Variants in TUBGCP5 observed in about 807,000 individuals in gnomAD.
The protein encoded by TUBGCP5 is tubulin gamma complex component 5, also known as gamma-tubulin complex component 5.
In TUBGCP5, 98 loss-of-function variants were observed where a neutral mutation model predicts 134.7. The ratio of observed to expected loss-of-function variants is 0.73; its 90% CI spans 0.62 to 0.86. The LOEUF is 0.86. TUBGCP5 is among the 40% of genes least tolerant of loss of function. The pLI is 0.00. For missense variants in TUBGCP5, 1,150 were observed against 1,244.8 expected, an observed-to-expected ratio of 0.92 and a Z score of 1.15; for synonymous variants, 456 against 431.4, an observed-to-expected ratio of 1.06 and a Z score of -0.71.
chr15:23,023,238 G>A (rs535984018), intron 10 of TUBGCP5: 1 of 152,190 alleles, frequency 6.6e-6, no homozygotes, highest in South Asian at 2.1e-4. Context: ...GCTGAGGCAG[G>A]AGGATGGCGT....
chr15:22,989,079 C>T (rs1330661284), intron 23 of TUBGCP5, among the ~76,000 whole-genome samples: 1 of 152,132 alleles, frequency 6.6e-6, no homozygotes, highest in South Asian at 2.1e-4. Context: ...CCTCTTCCAC[C>T]TTTAGGAGCC....
Position 23,032,270 on chromosome 15 carries a change from C to T in TUBGCP5, c.407-241G>A, listed in dbSNP as rs914204650. Among the ~76,000 whole-genome samples the T allele has an allele frequency of 2.0e-5, 3 of 152,188 alleles. No homozygotes were observed. In the East Asian group the frequency reaches 5.8e-4, roughly 29 times the overall value. ...TTTGTAAAGTTAGAACGAATACAGTCATCCCTCAATATCTGAGGGGAATTG... is the reference window on the plus strand; with the variant it reads ...TTTGTAAAGTTAGAACGAATACAGTTATCCCTCAATATCTGAGGGGAATTG... On this transcript the variant is annotated intron_variant, in intron 4 of 22. Coordinates refer to ENST00000615383, the MANE Select transcript of TUBGCP5 (RefSeq NM_052903.6).
rs1460322999 is a variant in TUBGCP5 at position 23,015,707 on chromosome 15, A to T, written c.1756+2066T>A. Among the ~76,000 whole-genome samples, 3 of 152,268 alleles carry T rather than the reference A, an allele frequency of 2.0e-5. No homozygotes were observed. The East Asian group carries it at 5.8e-4, about 30-fold the overall frequency. On this transcript the variant is annotated intron_variant, in intron 13 of 22. Transcript: ENST00000615383. Reference sequence around the variant, plus strand: ...CAGCCAACTGTGCCACTGTTGCCACAAACCCCCTCACTGTAGGCCACTGAG... The same window carrying T: ...CAGCCAACTGTGCCACTGTTGCCACTAACCCCCTCACTGTAGGCCACTGAG...
At chr15:23,001,448 A>G (rs1362071450) in intron 21 of TUBGCP5, among the ~76,000 whole-genome samples, 2 of 151,268 alleles carry the variant, frequency 1.3e-5, no homozygotes, top group Non-Finnish European at 2.9e-5. Flanking sequence ...GGGTTCAGCA[A>G]TTCTCCTGCC....
At chr15:23,023,738 A>C in intron 10 of TUBGCP5, 1 of 466,316 alleles carries the variant, frequency 2.1e-6, no homozygotes, top group Non-Finnish European at 3.7e-6. Flanking sequence ...AGAATAATTT[A>C]GATTTTTCAT....
rs778530383 is a variant in TUBGCP5 at position 23,024,143 on chromosome 15, C to T, written c.972G>A (p.Val324=). Residue 324 remains valine (V), a synonymous_variant, in exon 10 of 23, where the codon GTG becomes GTA. Coordinates refer to ENST00000615383, the MANE Select transcript of TUBGCP5 (RefSeq NM_052903.6). ...CATCAATGAACTCCTGGAGTCGAAA[C>T]ACAACCTGGCCATATGCTGCTATTT... ...LEQIAAYGQV[V]FRLQEFIDEV... 1.2e-6 allele frequency: 2 copies of T among 1,614,166 alleles called. No homozygotes were observed. Among genetic ancestry groups the T allele is most frequent in the Non-Finnish European group, 1.7e-6 (2 of 1,180,024 alleles).
chr15:22,993,620 C>T (rs924929793), intron 23 of TUBGCP5, among the ~76,000 whole-genome samples: 37 of 147,076 alleles, frequency 2.5e-4, no homozygotes, highest in African/African-American at 8.8e-4. Flanking sequence ...TCTCGGCTCA[C>T]TGCAACCTCC....
intron 23 of TUBGCP5, among the ~76,000 whole-genome samples, chr15:22,990,056 CAG>C (rs1423250458): frequency 5.9e-5 from 9 of 152,186 alleles, no homozygotes; most frequent in African/African-American, 1.2e-4. Context: ...CAGCTGTGCA[CAG>C]AGTTAACATT....
At chr15:23,025,939 G>A (rs948787425) in intron 8 of TUBGCP5, among the ~76,000 whole-genome samples, 177 bp downstream of exon 8, 2 of 152,044 alleles carry the variant, frequency 1.3e-5, no homozygotes, top group African/African-American at 4.8e-5. Flanking sequence ...AAATGAAAAT[G>A]AAGTAATTAT....
chr15:23,025,403 G>A lies in TUBGCP5; in HGVS notation c.828-573C>T, dbSNP rs185746492. ...GAGATCTTCCTATTTCTAAGAATGC[G>A]AGCATGTCAATATCATACTTTATGG... On this transcript the variant is annotated intron_variant, in intron 8 of 22. Transcript: ENST00000615383. 5.0e-3 allele frequency among the ~76,000 whole-genome samples: 762 copies of A among 152,204 alleles called. 4 individuals carry two copies. The highest frequency in any genetic ancestry group is 5.4e-3 in the Admixed American group (83 of 15,288).
At chr15:22,998,004 G>C (rs936129792), downstream of TUBGCP5, among the ~76,000 whole-genome samples, 2 of 151,794 alleles carry the variant, frequency 1.3e-5, no homozygotes, top group African/African-American at 4.8e-5. Context: ...AATATAACTG[G>C]TTAGCTCACA....
At position 23,024,107 on chromosome 15, in the gene TUBGCP5, T is replaced by C. The variant is rs1409299004; in HGVS notation, c.1008A>G (p.Gly336=). 3.1e-6 allele frequency: 5 copies of C among 1,614,016 alleles called. No homozygotes were observed. In the East Asian group the frequency reaches 1.1e-4, roughly 36 times the overall value. The part of the protein sequence containing the change: ...RLQEFIDEVM[G]HSSESMLPGS... ...CAGGCAGCATGCTCTCAGAACTGTGTCCCATGACTTCATCAATGAACTCCT... is the reference window on the plus strand; with the variant it reads ...CAGGCAGCATGCTCTCAGAACTGTGCCCCATGACTTCATCAATGAACTCCT... Residue 336 remains glycine (G), a synonymous_variant, in exon 10 of 23, where the codon GGA becomes GGG. Coordinates refer to ENST00000615383, the MANE Select transcript of TUBGCP5 (RefSeq NM_052903.6).
At chr15:23,004,267 T>G (rs1595825972) in intron 19 of TUBGCP5, 40 bp from the exon 20 acceptor site, 1 of 1,600,060 alleles carries the variant, frequency 6.2e-7, no homozygotes, top group Non-Finnish European at 8.5e-7. Flanking sequence ...AGCAGCCTTC[T>G]TTGAGGACTT....
At chr15:22,983,695 T>C (rs1003587824) in intron 23 of TUBGCP5, 4 of 152,204 alleles carry the variant, frequency 2.6e-5, no homozygotes, top group African/African-American at 9.6e-5. Context: ...TATACTATAA[T>C]AAAAGTGATG....
downstream of TUBGCP5, among the ~76,000 whole-genome samples, chr15:22,994,463 A>G (rs1352993006): frequency 6.6e-6 from 1 of 152,196 alleles, no homozygotes; most frequent in African/African-American, 2.4e-5. Context: ...GAGCAAAGGA[A>G]CAGCTCTTAG....
chr15:23,023,334 G>GA (rs67869935), intron 10 of TUBGCP5: 256 of 119,078 alleles, frequency 2.1e-3, no homozygotes, highest in East Asian at 6.1e-3. Context: ...CGTCTCAAAT[G>GA]AAAAAAAAAA....
At chr15:23,029,749 T>C (rs575729612) in intron 6 of TUBGCP5, among the ~76,000 whole-genome samples, 14 of 151,988 alleles carry the variant, frequency 9.2e-5, no homozygotes, top group Admixed American at 3.9e-4. Context: ...CTGAGTGTGG[T>C]ACACGCCTGT....
rs2064266226 is a variant in TUBGCP5, at chr15:22,999,849, A to G, written c.3046T>C (p.Ser1016Pro). The change falls in exon 23 of 23, where the codon TCA (serine) becomes CCA (proline). Residue 1016 changes from serine to proline, a missense_variant. Ser to Pro is a moderately conservative substitution (Grantham distance 74). Around this residue, in one of 2 missense-constraint regions of TUBGCP5, gnomAD observed 697 missense variants for 850.1 expected, o/e 0.82. Transcript: ENST00000615383. Reference protein sequence around the residue: ...SFPHLESLALSLMAGMEQS With the variant: ...SFPHLESLALPLMAGMEQS ...CTTTGTTCCATGCCAGCCATGAGTG[A>G]CAACGCTAGAGATTCCACTGTGGGA... is the stretch of plus-strand genomic sequence containing the variant. 5 of 1,614,006 alleles carry G rather than the reference A, an allele frequency of 3.1e-6. No homozygotes were observed. Among genetic ancestry groups the G allele is most frequent in the Non-Finnish European group, 4.2e-6 (5 of 1,179,882 alleles).
At chr15:22,985,199 A>T in intron 23 of TUBGCP5, among the ~76,000 whole-genome samples, 1 of 148,136 alleles carries the variant, frequency 6.8e-6, no homozygotes, top group Admixed American at 6.8e-5. Context: ...AACTTGTATA[A>T]TTAATAGTCT....
Sources: allele counts gnomAD v4.1 joint callset (sites outside exome capture counted in the v4.1 genomes callset), GRCh38; gene constraint gnomAD v4.1.1; regional missense constraint gnomAD v4.1.1; transcripts MANE v1.5; gene names NCBI Gene and HGNC (gene_info 2026-07-23, HGNC 2026-07-21).